GCSAML: variants seen among roughly 807,000 people sequenced by gnomAD.
GCSAML encodes the protein germinal center-associated signaling and motility-like protein.
GCSAML carries 9 observed loss-of-function variants against 13.0 expected under a neutral mutation model. That is an observed-to-expected ratio of 0.69 (90% CI 0.42 to 1.21). The LOEUF (loss-of-function observed/expected upper bound fraction) is 1.21, where lower values mean the gene tolerates loss of function less well. GCSAML is among the 50% of genes most tolerant of loss of function. The pLI is 0.00. For missense variants in GCSAML, 143 were observed against 153.4 expected, an observed-to-expected ratio of 0.93 and a Z score of 0.36; for synonymous variants, 37 against 52.9, an observed-to-expected ratio of 0.70 and a Z score of 1.31.
chr1:247,520,415 A>G (rs777614835), intron 1 of GCSAML, among the ~76,000 whole-genome samples: 7 of 152,190 alleles, frequency 4.6e-5, no homozygotes, highest in Non-Finnish European at 8.8e-5. Context: ...CTTTCAAGCT[A>G]CAGCTGTAAC....
chr1:247,508,525 T>C lies in GCSAML; in HGVS notation c.-263+1292T>C, dbSNP rs558615407. Among the ~76,000 whole-genome samples, 9 of 152,354 alleles carry C rather than the reference T, an allele frequency of 5.9e-5. No homozygotes were observed. In the East Asian group the frequency reaches 1.5e-3, roughly 26 times the overall value. On this transcript the variant is annotated intron_variant, in intron 1 of 5. Transcript: ENST00000366489. ...AACTCTTAAGTTTAATTAGATCCCA[T>C]TTGTCAATTTTGGCTTTTTTTGGCC...
chr1:247,521,346 G>GTCTCCC (rs1205675864), intron 1 of GCSAML, among the ~76,000 whole-genome samples: 10 of 128,758 alleles, frequency 7.8e-5, no homozygotes, highest in Middle Eastern at 4.1e-3. Context: ...CCTCTCCACG[G>GTCTCCC]TCTCCCTCTC....
At chr1:247,532,264 A>G in intron 2 of GCSAML, 1 of 1,614,218 alleles carries the variant, frequency 6.2e-7, no homozygotes. Flanking sequence ...GAGGTTAGCC[A>G]GGAGCTGTGG....
intron 4 of GCSAML, among the ~76,000 whole-genome samples, chr1:247,569,506 G>GT (rs1668518245): frequency 6.6e-6 from 1 of 152,076 alleles, no homozygotes; most frequent in Non-Finnish European, 1.5e-5. Context: ...AATAGATTAC[G>GT]TTTATTGATT....
intron 2 of GCSAML, chr1:247,531,208 G>A (rs1212200297): frequency 1.5e-5 from 4 of 268,616 alleles, no homozygotes; most frequent in Non-Finnish European, 2.8e-5. Flanking sequence ...CGCTCTCAGC[G>A]TCGTCAAAGT....
At chr1:247,573,294 C>T (rs904686583) in intron 4 of GCSAML, among the ~76,000 whole-genome samples, 8 of 152,174 alleles carry the variant, frequency 5.3e-5, no homozygotes, top group Non-Finnish European at 8.8e-5. Flanking sequence ...CAGTTTTATG[C>T]TTGAAACCCA....
intron 2 of GCSAML, chr1:247,531,780 G>A: frequency 6.2e-7 from 1 of 1,614,162 alleles, no homozygotes; most frequent in Non-Finnish European, 8.5e-7. Flanking sequence ...CAGCCACGTG[G>A]GAAGAACAGG....
At chr1:247,522,289 AGGGAGGTGGGGGGCGCCTCCACCTG>A in intron 1 of GCSAML, among the ~76,000 whole-genome samples, 1 of 89,218 alleles carries the variant, frequency 1.1e-5, no homozygotes. Flanking sequence ...CCTGTCCGGG[AGGGAGGTGGGGGGCGCCTCCACCTG>A]GCCGCCGCCC....
intron 2 of GCSAML, among the ~76,000 whole-genome samples, chr1:247,562,072 A>T (rs1336284821): frequency 6.6e-6 from 1 of 152,210 alleles, no homozygotes; most frequent in Admixed American, 6.5e-5. Context: ...GCAAAATTGT[A>T]AATAAATACA....
intron 2 of GCSAML, among the ~76,000 whole-genome samples, chr1:247,560,041 GA>G (rs1668070691): frequency 6.6e-6 from 1 of 152,186 alleles, no homozygotes; most frequent in African/African-American, 2.4e-5. Flanking sequence ...AGGATTCTTA[GA>G]AATCCAGGAA....
intron 2 of GCSAML, chr1:247,532,301 C>T (rs754151325): frequency 2.5e-5 from 40 of 1,613,966 alleles, no homozygotes; most frequent in Non-Finnish European, 3.2e-5. Context: ...AAGCTCATGT[C>T]CAGGAAGGGG....
In GCSAML at chr1:247,533,843, A is replaced by C. The variant is rs189503804; in HGVS notation, c.-148+6789A>C. 319 of 152,310 alleles carry C rather than the reference A, an allele frequency of 2.1e-3. 1 individual carries two copies. Among genetic ancestry groups the C allele is most frequent in the African/African-American group, 7.3e-3 (305 of 41,562 alleles). The allele number at this position is 152,310 out of a possible 1,614,324, so 9.4% of individuals were successfully genotyped here. On this transcript the variant is annotated intron_variant, in intron 2 of 5. Transcript: ENST00000366489. ...GCCATTTGTCAGTTGATTTCTGTGA[A>C]ATTTCAGAGGACAAAGGTGAAATTT...
chr1:247,507,691 G>A (rs1665877930), intron 1 of GCSAML, among the ~76,000 whole-genome samples: 1 of 151,738 alleles, frequency 6.6e-6, no homozygotes, highest in Admixed American at 6.6e-5. Flanking sequence ...CTCCCTGAAG[G>A]TCCCTGGTGT....
At chr1:247,561,955 C>T (rs1239990119) in intron 2 of GCSAML, among the ~76,000 whole-genome samples, 1 of 152,132 alleles carries the variant, frequency 6.6e-6, no homozygotes, top group Non-Finnish European at 1.5e-5. Flanking sequence ...TGCAGGTCAC[C>T]AAGCAAGGAG....
At chr1:247,522,718 G>A (rs1232477209) in intron 1 of GCSAML, among the ~76,000 whole-genome samples, 2 of 150,866 alleles carry the variant, frequency 1.3e-5, no homozygotes, top group South Asian at 4.2e-4. Context: ...AAGGCAGCAT[G>A]CTCATTAAGA....
chr1:247,532,312 A>G, intron 2 of GCSAML: 1 of 1,614,132 alleles, frequency 6.2e-7, no homozygotes, highest in Non-Finnish European at 8.5e-7. Context: ...CAGGAAGGGG[A>G]GGTTGGCAAG....
At chr1:247,566,008 T>G (rs1282941768) in intron 4 of GCSAML, 49 bp downstream of exon 4, 1 of 1,349,248 alleles carries the variant, frequency 7.4e-7, no homozygotes. Context: ...AAACTTTTAT[T>G]ATGTTTGTCT....
At position 247,509,236 on chromosome 1, in the gene GCSAML, G is replaced by A. The variant is rs139062755; in HGVS notation, c.-263+2003G>A. On this transcript the variant is annotated intron_variant, in intron 1 of 5. Transcript: ENST00000366489. ...AGGTCCTTCACATCTCTTCTAAGTT[G>A]TATTCCTACATTTTTTATTCTCTTT... Among the ~76,000 whole-genome samples the A allele has an allele frequency of 3.4e-3, 516 of 152,230 alleles. 1 individual carries two copies. Among genetic ancestry groups the A allele is most frequent in the Non-Finnish European group, 5.8e-3 (395 of 68,014 alleles).
At chr1:247,562,133 G>T (rs1300562288) in intron 2 of GCSAML, among the ~76,000 whole-genome samples, 1 of 152,160 alleles carries the variant, frequency 6.6e-6, no homozygotes, top group Admixed American at 6.5e-5. Flanking sequence ...TTGAAGCTGA[G>T]GGGGAAGGGT....
Sources: allele counts gnomAD v4.1 joint callset (sites outside exome capture counted in the v4.1 genomes callset), GRCh38; gene constraint gnomAD v4.1.1; transcripts MANE v1.5; gene names NCBI Gene and HGNC (gene_info 2026-07-23, HGNC 2026-07-21).